The following NAALADL2 variants were observed in gnomAD, a reference collection of about 807,000 sequenced individuals.
NAALADL2 encodes the protein N-acetylated alpha-linked acidic dipeptidase like 2.
In NAALADL2, 76 loss-of-function variants were observed where a neutral mutation model predicts 87.2. The ratio of observed to expected loss-of-function variants is 0.87; its 90% CI spans 0.72 to 1.05. NAALADL2 has a LOEUF of 1.05. Ranked by LOEUF, NAALADL2 falls within the 50% of genes least tolerant of loss-of-function variation. The pLI, the probability that NAALADL2 is intolerant of heterozygous loss-of-function variation, is 0.00. For missense variants in NAALADL2, 1,089 were observed against 945.8 expected (o/e 1.15, Z -1.99); for synonymous variants, 354 against 331.0 (o/e 1.07, Z -0.75).
chr3:175,167,351 C>A (rs1230267944), intron 2 of NAALADL2, among the ~76,000 whole-genome samples: 1 of 152,014 alleles, frequency 6.6e-6, no homozygotes, highest in African/African-American at 2.4e-5. Flanking sequence ...TGCTTAACAC[C>A]CACCCTGAAT....
chr3:174,445,375 TA>T (rs368949087), intron 1 of NAALADL2, among the ~76,000 whole-genome samples: 29 of 152,240 alleles, frequency 1.9e-4, no homozygotes, highest in African/African-American at 3.6e-4. Context: ...GATTAGGAGT[TA>T]GGGGCCTATA....
At chr3:175,406,447 A>G (rs534903211) in intron 5 of NAALADL2, among the ~76,000 whole-genome samples, 1 of 152,324 alleles carries the variant, frequency 6.6e-6, no homozygotes, top group African/African-American at 2.4e-5. Flanking sequence ...CCTTCTATCC[A>G]TTAAAAAGGT....
intron 1 of NAALADL2, among the ~76,000 whole-genome samples, chr3:175,064,749 C>A (rs1714221613): frequency 1.3e-5 from 2 of 152,082 alleles, no homozygotes; most frequent in Admixed American, 1.3e-4. Context: ...TCTCTGGGAA[C>A]AAAGCAGCCT....
At chr3:174,724,631 T>C (rs1384954409) in intron 2 of NAALADL2, among the ~76,000 whole-genome samples, 4 of 152,204 alleles carry the variant, frequency 2.6e-5, no homozygotes, top group Non-Finnish European at 5.9e-5. Context: ...AGAGCTTTTA[T>C]ATTAGATTTA....
intron 3 of NAALADL2, among the ~76,000 whole-genome samples, chr3:174,848,667 G>A (rs1275130159): frequency 6.6e-6 from 1 of 152,132 alleles, no homozygotes; most frequent in Non-Finnish European, 1.5e-5. Flanking sequence ...AAGTTCTTCA[G>A]TGAGGTTCAC....
chr3:175,259,712 G>A (rs990678605), intron 4 of NAALADL2, among the ~76,000 whole-genome samples: 8 of 152,094 alleles, frequency 5.3e-5, no homozygotes, highest in Non-Finnish European at 8.8e-5. Flanking sequence ...ACAGAAACAA[G>A]CTTTTGAAAA....
In NAALADL2 at chr3:174,444,922, G is replaced by A. The variant is rs141754129; in HGVS notation, c.-184+3890G>A. On this transcript the variant is annotated intron_variant, in intron 1 of 3. Coordinates refer to the NAALADL2 transcript ENST00000434257. The stretch of plus-strand genomic sequence containing the variant: ...TGGCAACATAGGTTGTAGATGTATG[G>A]TAGAATTTTGACAACATTACTCATA... 3.2e-3 allele frequency among the ~76,000 whole-genome samples: 492 copies of A among 152,108 alleles called. 1 individual carries two copies. The highest frequency in any genetic ancestry group is 0.011 in the African/African-American group (475 of 41,486).
At chr3:175,457,176 C>G (rs573917391) in intron 6 of NAALADL2, among the ~76,000 whole-genome samples, 1 of 152,162 alleles carries the variant, frequency 6.6e-6, no homozygotes, top group African/African-American at 2.4e-5. Flanking sequence ...ATTCACCCTA[C>G]ATCAAATGTT....
At chr3:174,568,403 A>G (rs12633516) in intron 2 of NAALADL2, among the ~76,000 whole-genome samples, 1 of 151,760 alleles carries the variant, frequency 6.6e-6, no homozygotes, top group Non-Finnish European at 1.5e-5. Context: ...TTTTCACCAC[A>G]CCGTATTGCT....
chr3:174,711,022 G>T (rs934487455), intron 2 of NAALADL2, among the ~76,000 whole-genome samples: 1 of 152,108 alleles, frequency 6.6e-6, no homozygotes, highest in African/African-American at 2.4e-5. Context: ...TCTAGTGATA[G>T]GGTGATTTTT....
At chr3:174,522,406 A>G (rs1720358765) in intron 1 of NAALADL2, among the ~76,000 whole-genome samples, 1 of 152,126 alleles carries the variant, frequency 6.6e-6, no homozygotes, top group Admixed American at 6.5e-5. Flanking sequence ...TCTTGGCTCA[A>G]TCTCAGCACT....
intron 9 of NAALADL2, among the ~76,000 whole-genome samples, chr3:175,527,997 G>A (rs1314228241): frequency 6.6e-6 from 1 of 152,040 alleles, no homozygotes; most frequent in Non-Finnish European, 1.5e-5. Flanking sequence ...ATAAGAGATG[G>A]CACTCTGTAC....
chr3:174,694,846 G>GTA (rs1728881200), intron 2 of NAALADL2, among the ~76,000 whole-genome samples: 1 of 151,976 alleles, frequency 6.6e-6, no homozygotes, highest in African/African-American at 2.4e-5. Flanking sequence ...TATAGCAGGT[G>GTA]TAAAAGGTTA....
chr3:174,760,191 C>T (rs1712730304), intron 3 of NAALADL2, among the ~76,000 whole-genome samples: 1 of 152,142 alleles, frequency 6.6e-6, no homozygotes, highest in South Asian at 2.1e-4. Flanking sequence ...AGTAGGTACC[C>T]ATAGGCCTAG....
Position 175,806,901 on chromosome 3 carries a change from A to G in NAALADL2, c.*3698A>G, listed in dbSNP as rs1754756836. The G allele has an allele frequency of 1.3e-5, 2 of 151,814 alleles. No homozygotes were observed. The highest frequency in any genetic ancestry group is 3.9e-4 in the East Asian group (2 of 5,148). The allele number at this position is 151,814 out of a possible 1,614,324, so 9.4% of individuals were successfully genotyped here. ...TTGATTCTAGAAAGTGAGATAATTG[A>G]AAATGTTAACATATTTCTCCAAAAC... On this transcript the variant is annotated 3_prime_UTR_variant, in exon 14 of 14. Coordinates refer to ENST00000454872, the MANE Select transcript of NAALADL2 (RefSeq NM_207015.3).
intron 10 of NAALADL2, among the ~76,000 whole-genome samples, chr3:175,617,094 G>T (rs1020532292): frequency 1.3e-5 from 2 of 152,118 alleles, no homozygotes; most frequent in Non-Finnish European, 2.9e-5. Flanking sequence ...GATTAAAAAG[G>T]CGTGAGTAAA....
intron 13 of NAALADL2, among the ~76,000 whole-genome samples, chr3:175,788,329 C>T (rs1167627531): frequency 1.3e-5 from 2 of 151,946 alleles, no homozygotes; most frequent in Admixed American, 6.6e-5. Flanking sequence ...TGAGCTCAAA[C>T]GATCCACCAC....
chr3:175,494,315 A>G (rs372687451), intron 9 of NAALADL2, among the ~76,000 whole-genome samples: 1 of 152,148 alleles, frequency 6.6e-6, no homozygotes, highest in East Asian at 1.9e-4. Context: ...ATATGGTGAT[A>G]AACATGCATG....
chr3:175,382,695 G>A (rs1386854556), intron 5 of NAALADL2, among the ~76,000 whole-genome samples: 2 of 94,834 alleles, frequency 2.1e-5, no homozygotes, highest in Admixed American at 1.2e-4. Context: ...ATATATGAAG[G>A]TTCCGACTTC....
Sources: allele counts gnomAD v4.1 joint callset (sites outside exome capture counted in the v4.1 genomes callset), GRCh38; gene constraint gnomAD v4.1.1; transcripts MANE v1.5; gene names NCBI Gene and HGNC (gene_info 2026-07-23, HGNC 2026-07-21).